Variants in TMEM161B observed in about 807,000 individuals in gnomAD.
The protein encoded by TMEM161B is transmembrane protein 161B.
TMEM161B carries 34 observed loss-of-function variants against 61.8 expected under a neutral mutation model. The ratio of observed to expected loss-of-function variants is 0.55; its 90% CI spans 0.42 to 0.73. The LOEUF (loss-of-function observed/expected upper bound fraction) is 0.73. Among genes scored for constraint, TMEM161B ranks in the 30% least tolerant of loss-of-function variants. The pLI is 0.00. For synonymous variants in TMEM161B, 167 were observed against 192.8 expected, an observed-to-expected ratio of 0.87 and a Z score of 1.11; for missense variants, 456 against 558.5, an observed-to-expected ratio of 0.82 and a Z score of 1.85.
intron 1 of TMEM161B, among the ~76,000 whole-genome samples, chr5:88,258,395 T>C (rs1220305385): frequency 6.6e-6 from 1 of 152,284 alleles, no homozygotes; most frequent in South Asian, 2.1e-4. Flanking sequence ...TGATGTTAAT[T>C]AATCTCACAG....
chr5:88,221,591 C>A, intron 4 of TMEM161B: 1 of 420,142 alleles, frequency 2.4e-6, no homozygotes, highest in Non-Finnish European at 4.8e-6. Flanking sequence ...TTCTATAAAA[C>A]CATACCCCTT....
intron 2 of TMEM161B, among the ~76,000 whole-genome samples, chr5:88,236,048 G>C (rs542190114): frequency 2.0e-5 from 3 of 152,236 alleles, no homozygotes; most frequent in Non-Finnish European, 4.4e-5. Context: ...CATCTGAATG[G>C]TAGGTTTCTC....
chr5:88,196,207 A>T lies in TMEM161B; in HGVS notation c.*4T>A, dbSNP rs1174542217. ...TTTGGATATGCTTTTTTGTTAACTG[A>T]GATTCATGCCACAGTCAGATACTGG... On this transcript the variant is annotated 3_prime_UTR_variant, in exon 12 of 12. Transcript: ENST00000296595. The T allele has an allele frequency of 6.3e-7, 1 of 1,597,462 alleles. No homozygotes were observed. The highest frequency in any genetic ancestry group is 8.5e-7 in the Non-Finnish European group (1 of 1,173,792).
intron 6 of TMEM161B, among the ~76,000 whole-genome samples, 161 bp downstream of exon 6, chr5:88,206,868 G>T (rs1468958056): frequency 6.6e-6 from 1 of 151,958 alleles, no homozygotes; most frequent in Non-Finnish European, 1.5e-5. Context: ...AGCAAAAAAT[G>T]AAGATCTTAA....
intron 2 of TMEM161B, among the ~76,000 whole-genome samples, chr5:88,229,998 C>A (rs1472316790): frequency 6.6e-6 from 1 of 151,834 alleles, no homozygotes; most frequent in African/African-American, 2.4e-5. Flanking sequence ...TTGAGACCAA[C>A]CTGGGCAACA....
chr5:88,266,535 C>T (rs1305119227), intron 1 of TMEM161B, among the ~76,000 whole-genome samples: 1 of 152,206 alleles, frequency 6.6e-6, no homozygotes, highest in Non-Finnish European at 1.5e-5. Context: ...TCAAGTCCCA[C>T]TTCTCTTACC....
chr5:88,202,274 T>TA (rs1744558321), intron 9 of TMEM161B: 1 of 307,862 alleles, frequency 3.2e-6, no homozygotes, highest in East Asian at 7.8e-5. Flanking sequence ...GTCTAGTTAT[T>TA]AATGCCTATT....
At chr5:88,260,211 C>T (rs1755514771) in intron 1 of TMEM161B, among the ~76,000 whole-genome samples, 6 of 152,156 alleles carry the variant, frequency 3.9e-5, no homozygotes, top group Admixed American at 3.9e-4. Context: ...TCTACTTACC[C>T]TCAAAAATCT....
intron 1 of TMEM161B, among the ~76,000 whole-genome samples, chr5:88,266,793 T>C (rs539999789): frequency 6.6e-6 from 1 of 152,300 alleles, no homozygotes; most frequent in East Asian, 1.9e-4. Flanking sequence ...CACACTTGCA[T>C]ATACAGACAT....
At chr5:88,245,481 G>C (rs1362123384) in intron 1 of TMEM161B, among the ~76,000 whole-genome samples, 1 of 151,860 alleles carries the variant, frequency 6.6e-6, no homozygotes, top group Non-Finnish European at 1.5e-5. Context: ...GGGAAGTTTT[G>C]TAAACAATGG....
chr5:88,254,479 T>C (rs760800255), intron 1 of TMEM161B, among the ~76,000 whole-genome samples: 6 of 152,262 alleles, frequency 3.9e-5, no homozygotes, highest in Admixed American at 6.5e-5. Context: ...ATAGAATTGA[T>C]TGAATGATTG....
At chr5:88,245,041 C>A (rs1428652171) in intron 1 of TMEM161B, among the ~76,000 whole-genome samples, 1 of 151,704 alleles carries the variant, frequency 6.6e-6, no homozygotes, top group East Asian at 1.9e-4. Flanking sequence ...CTTTTGGGCA[C>A]AGACTGTGGG....
intron 4 of TMEM161B, among the ~76,000 whole-genome samples, chr5:88,224,597 C>T (rs1029552704): frequency 6.6e-6 from 1 of 152,128 alleles, no homozygotes. Context: ...GTTCAGTATT[C>T]TAAAACCATT....
At chr5:88,259,547 C>T (rs1755430536) in intron 1 of TMEM161B, among the ~76,000 whole-genome samples, 1 of 152,186 alleles carries the variant, frequency 6.6e-6, no homozygotes, top group African/African-American at 2.4e-5. Context: ...TTCAACTCAT[C>T]AGTGTTACTA....
downstream of TMEM161B, chr5:88,195,013 A>C (rs551698502): frequency 8.2e-6 from 3 of 367,574 alleles, no homozygotes; most frequent in East Asian, 4.9e-4. Context: ...TTCTAATTCT[A>C]GAAACTACAA....
intron 9 of TMEM161B, chr5:88,201,461 T>C (rs1274496198): frequency 6.6e-6 from 1 of 152,048 alleles, no homozygotes; most frequent in East Asian, 1.9e-4. Flanking sequence ...TAAAATAGGA[T>C]GACAACAGCA....
chr5:88,206,408 TTAAA>T (rs1340021629), intron 7 of TMEM161B, 27 bp downstream of exon 7: 1 of 1,534,260 alleles, frequency 6.5e-7, no homozygotes, highest in East Asian at 2.3e-5. Flanking sequence ...AAGGTTAAAT[TTAAA>T]TAATGCTTAA....
chr5:88,211,624 G>A (rs761377080), intron 5 of TMEM161B, among the ~76,000 whole-genome samples: 4 of 148,466 alleles, frequency 2.7e-5, no homozygotes, highest in Admixed American at 6.6e-5. Context: ...CGGGCGTGGC[G>A]GCGGGCGCGG....
At chr5:88,256,945 C>T (rs1197039077) in intron 1 of TMEM161B, among the ~76,000 whole-genome samples, 6 of 152,214 alleles carry the variant, frequency 3.9e-5, no homozygotes, top group Non-Finnish European at 7.3e-5. Context: ...ACAAGACAAT[C>T]TCCTCATTTT....
Sources: gnomAD v4.1 joint callset for allele counts (sites outside exome capture counted in the v4.1 genomes callset) on GRCh38, gnomAD v4.1.1 for gene constraint, MANE v1.5 for transcripts, NCBI Gene and HGNC (gene_info 2026-07-23, HGNC 2026-07-21) for gene names.